LRP8: variants seen among roughly 807,000 people sequenced by gnomAD.
LRP8 encodes low-density lipoprotein receptor-related protein 8.
In LRP8, 46 loss-of-function variants were observed where a neutral mutation model predicts 111.6. That is an observed-to-expected ratio of 0.41 (90% confidence interval 0.33 to 0.53). The LOEUF (loss-of-function observed/expected upper bound fraction) is 0.53, where lower values mean the gene tolerates loss of function less well. LRP8 is among the 20% of genes least tolerant of loss of function. The pLI, the probability that LRP8 is intolerant of heterozygous loss-of-function variation, is 0.20. For synonymous variants in LRP8, 464 were observed against 511.2 expected, an observed-to-expected ratio of 0.91 and a Z score of 1.24; for missense variants, 959 against 1,297.4, an observed-to-expected ratio of 0.74 and a Z score of 4.01.
Position 53,249,392 on chromosome 1 carries a change from G to A in LRP8, c.2841C>T (p.Val947=), listed in dbSNP as rs1219012702. Residue 947 remains valine (V), a synonymous_variant, in exon 18 of 19, where the codon GTC becomes GTT. Transcript: ENST00000306052. This position sits in a 1 kb window ranked among gnomAD's most constrained non-coding sequence, Gnocchi z 4.1. ...GGCACTGCCCTACCTTGGATTTGAC[G>A]ACAGGCAGCTCGGAAAGAGGGTTCT... ...LPKNPLSELP[V]VKSKRVALSL... 1 of 1,614,100 alleles carries A rather than the reference G, an allele frequency of 6.2e-7. No individual in the cohort carries two copies. Among genetic ancestry groups the A allele is most frequent in the South Asian group, 1.1e-5 (1 of 91,064 alleles).
Position 53,271,064 on chromosome 1 carries a change from C to G in LRP8, c.1216G>C (p.Glu406Gln). ...CAGTTCTTGGTCAGTAGGTCCATCT[C>G]GTAGCCAGGGTAGCACTCACACTTA... is the stretch of plus-strand genomic sequence containing the variant. ...YFKCECYPGY[E>Q]MDLLTKNCKA... The change falls in exon 8 of 19, where the codon GAG (glutamate) becomes CAG (glutamine). Residue 406 changes from glutamate (E) to glutamine (Q), a missense_variant. Coordinates refer to ENST00000306052, the MANE Select transcript of LRP8 (RefSeq NM_004631.5). 1 of 1,614,042 alleles carries G rather than the reference C, an allele frequency of 6.2e-7. No individual in the cohort carries two copies. The highest frequency in any genetic ancestry group is 8.5e-7 in the Non-Finnish European group (1 of 1,180,018).
At chr1:53,290,767 C>T (rs944516683) in intron 2 of LRP8, among the ~76,000 whole-genome samples, 11 of 152,110 alleles carry the variant, frequency 7.2e-5, no homozygotes, top group South Asian at 2.1e-4. Context: ...CTAGCAGGCC[C>T]GGGGGAGAGC....
At chr1:53,304,130 G>A (rs1376449548) in intron 2 of LRP8, among the ~76,000 whole-genome samples, 4 of 152,130 alleles carry the variant, frequency 2.6e-5, no homozygotes, top group African/African-American at 9.7e-5. Flanking sequence ...ATACCGAGGA[G>A]GCAGCAGTTC....
chr1:53,243,910 A>G lies in LRP8; in HGVS notation c.*3108T>C, dbSNP rs1190921142. On this transcript the variant is annotated 3_prime_UTR_variant, in exon 19 of 19. Transcript: ENST00000306052. ...TCCACTGCTACTGTGAACTCTGTAA[A>G]GTCAGAACATGTGTGACTGACCTTT... 1 of 152,196 alleles carries G rather than the reference A, an allele frequency of 6.6e-6. No homozygotes were observed. The highest frequency in any genetic ancestry group is 1.9e-4 in the East Asian group (1 of 5,194). 9.4% of individuals were successfully genotyped at this position (152,196 alleles called of 1,614,324 possible). A position where few individuals can be genotyped will look rare whatever the true frequency, so the allele number is the denominator to read the frequency against.
intron 2 of LRP8, 30 bp from the exon 3 acceptor site, chr1:53,289,719 C>G (rs1162500124): frequency 1.9e-6 from 3 of 1,611,718 alleles, no homozygotes; most frequent in Non-Finnish European, 1.7e-6. Flanking sequence ...GCGTGGTGAG[C>G]CTGGGAGCAG....
chr1:53,247,761 C>CA (rs1572410445), intron 18 of LRP8, among the ~76,000 whole-genome samples: 1 of 152,234 alleles, frequency 6.6e-6, no homozygotes, highest in Non-Finnish European at 1.5e-5. Flanking sequence ...GATTCCATCT[C>CA]AGACTCAGAG....
chr1:53,326,010 A>G (rs1331901460), intron 2 of LRP8, among the ~76,000 whole-genome samples: 1 of 151,612 alleles, frequency 6.6e-6, no homozygotes, highest in Non-Finnish European at 1.5e-5. Flanking sequence ...AAACTTCTAA[A>G]TCAGTCGCGC....
intron 2 of LRP8, among the ~76,000 whole-genome samples, chr1:53,290,577 C>T (rs1557814508): frequency 6.6e-6 from 1 of 152,172 alleles, no homozygotes; most frequent in Non-Finnish European, 1.5e-5. Flanking sequence ...GAGCTCACAG[C>T]TGGTTACGGA....
intron 12 of LRP8, among the ~76,000 whole-genome samples, 167 bp from the exon 13 acceptor site, chr1:53,260,772 C>T (rs1646304248): frequency 6.6e-6 from 1 of 152,208 alleles, no homozygotes; most frequent in Non-Finnish European, 1.5e-5. Flanking sequence ...CTGTGATGCA[C>T]GTCTCCTTGT....
chr1:53,268,603 A>T (rs930248291), intron 8 of LRP8: 6 of 152,204 alleles, frequency 3.9e-5, no homozygotes, highest in African/African-American at 1.4e-4. Context: ...TAACTTGCAT[A>T]TGAACTCCAG....
chr1:53,295,614 A>G (rs1206892068), intron 2 of LRP8, among the ~76,000 whole-genome samples: 1 of 152,044 alleles, frequency 6.6e-6, no homozygotes, highest in Admixed American at 6.5e-5. Context: ...GGGGAGGGGT[A>G]GGGGGCAGGA....
At chr1:53,264,793 T>C (rs1008011180) in intron 9 of LRP8, among the ~76,000 whole-genome samples, 3 of 152,072 alleles carry the variant, frequency 2.0e-5, no homozygotes, top group Non-Finnish European at 4.4e-5. Context: ...AGAAAGCCAT[T>C]AGGGAACAAG....
At chr1:53,273,856 T>G (rs1646834358) in intron 6 of LRP8, among the ~76,000 whole-genome samples, 1 of 152,150 alleles carries the variant, frequency 6.6e-6, no homozygotes, top group South Asian at 2.1e-4. Flanking sequence ...AGGAGGTAGG[T>G]GCTGGGGAAA....
chr1:53,302,201 C>T (rs1219402209), intron 2 of LRP8, among the ~76,000 whole-genome samples: 1 of 152,158 alleles, frequency 6.6e-6, no homozygotes, highest in Non-Finnish European at 1.5e-5. Flanking sequence ...ATGTTTGATC[C>T]AGAAGGAAAA....
chr1:53,249,338 C>T lies in LRP8; in HGVS notation c.2853+42G>A. ...GGCTGCGCCTGCCTTGGTTCATGCC[C>T]TCACTCACCAGCCCCTCAGACTTAG... On this transcript the variant is annotated intron_variant, in intron 18 of 18. Coordinates refer to ENST00000306052, the MANE Select transcript of LRP8 (RefSeq NM_004631.5). The surrounding 1 kb of genome is among the most constrained non-coding windows in gnomAD (Gnocchi z 4.1). The T allele has an allele frequency of 6.3e-7, 1 of 1,599,100 alleles. No homozygotes were observed. The highest frequency in any genetic ancestry group is 1.7e-4 in the Middle Eastern group (1 of 5,990).
At chr1:53,258,973 T>C (rs1280200916) in intron 13 of LRP8, among the ~76,000 whole-genome samples, 1 of 152,342 alleles carries the variant, frequency 6.6e-6, no homozygotes, top group East Asian at 1.9e-4. Context: ...GCAAAATACA[T>C]TATTTTGTTC....
intron 2 of LRP8, among the ~76,000 whole-genome samples, chr1:53,289,947 G>C (rs1236510676): frequency 1.3e-5 from 2 of 152,154 alleles, no homozygotes; most frequent in East Asian, 1.9e-4. Flanking sequence ...CCACACTCCT[G>C]CTTCCCCTCA....
chr1:53,264,409 C>G lies in LRP8; in HGVS notation c.1428-13G>C, dbSNP rs762904881. ...GTCCATGTAGGCGCTTAAGAGAAAA[C>G]AGAGATGACCATGGGGCAGATGTTC... On this transcript the variant is annotated splice_polypyrimidine_tract_variant and intron_variant, in intron 9 of 18. Transcript: ENST00000306052. 1 of 1,605,490 alleles carries G rather than the reference C, an allele frequency of 6.2e-7. No individual in the cohort carries two copies. Among genetic ancestry groups the G allele is most frequent in the African/African-American group, 1.3e-5 (1 of 74,776 alleles).
intron 2 of LRP8, among the ~76,000 whole-genome samples, chr1:53,326,351 G>A (rs987841487): frequency 6.6e-6 from 1 of 152,192 alleles, no homozygotes; most frequent in African/African-American, 2.4e-5. Context: ...CGTCTGCTCC[G>A]CGATTGGCCG....
Sources: allele counts gnomAD v4.1 joint callset (sites outside exome capture counted in the v4.1 genomes callset), GRCh38; gene constraint gnomAD v4.1.1; non-coding constraint Gnocchi (gnomAD v3.1); transcripts MANE v1.5; gene names NCBI Gene and HGNC (gene_info 2026-07-23, HGNC 2026-07-21).